FILIP1L: variants seen among roughly 807,000 people sequenced by gnomAD.
FILIP1L encodes the protein filamin A interacting protein 1 like, also known as filamin A-interacting protein 1-like.
Under a neutral mutation model 96.6 loss-of-function variants are expected in FILIP1L, and 55 were observed. The ratio of observed to expected loss-of-function variants is 0.57; its 90% CI spans 0.46 to 0.71. FILIP1L has a LOEUF of 0.71. Ranked by LOEUF, FILIP1L falls within the 30% of genes least tolerant of loss-of-function variation. The probability of loss-of-function intolerance (pLI) is 0.00; values close to 1 mark genes in which losing one functional copy is unlikely to be tolerated. For synonymous variants in FILIP1L, 467 were observed against 473.9 expected, an observed-to-expected ratio of 0.99 and a Z score of 0.19; for missense variants, 1,304 against 1,321.2, an observed-to-expected ratio of 0.99 and a Z score of 0.20.
chr3:100,028,207 T>C (rs2064962203), intron 1 of FILIP1L, among the ~76,000 whole-genome samples: 1 of 152,200 alleles, frequency 6.6e-6, no homozygotes, highest in African/African-American at 2.4e-5. Flanking sequence ...ATGATATCAT[T>C]ATCCCAGTTT....
intron 4 of FILIP1L, among the ~76,000 whole-genome samples, chr3:99,917,565 G>T (rs945285543): frequency 2.0e-5 from 3 of 152,016 alleles, no homozygotes; most frequent in African/African-American, 7.3e-5. Context: ...TCAAAGCATT[G>T]GTCTAGATTG....
chr3:100,092,133 C>T (rs1354950155), intron 1 of FILIP1L, among the ~76,000 whole-genome samples: 1 of 152,198 alleles, frequency 6.6e-6, no homozygotes, highest in East Asian at 1.9e-4. Context: ...CATACTTCCT[C>T]ACACATTTTT....
At chr3:100,059,584 A>G (rs1379387991) in intron 1 of FILIP1L, among the ~76,000 whole-genome samples, 1 of 152,132 alleles carries the variant, frequency 6.6e-6, no homozygotes, top group African/African-American at 2.4e-5. Context: ...TGAAGATTCA[A>G]ACAGCGTTAG....
rs145086643 is a variant in FILIP1L at position 99,993,412 on chromosome 3, A to G, written c.-10-62382T>C. The stretch of plus-strand genomic sequence containing the variant: ...CAGGGTTTTCTAGATATAAGATCAT[A>G]TCAGCAGCTAACAGGAAAAATTTGT... On this transcript the variant is annotated intron_variant, in intron 1 of 5. Transcript: ENST00000477258. Among the ~76,000 whole-genome samples, 12 of 152,170 alleles carry G rather than the reference A, an allele frequency of 7.9e-5. No individual in the cohort carries two copies. In the South Asian group the frequency reaches 1.5e-3, roughly 18 times the overall value.
chr3:100,060,830 C>G (rs777539883), intron 1 of FILIP1L, among the ~76,000 whole-genome samples: 1 of 152,110 alleles, frequency 6.6e-6, no homozygotes, highest in Non-Finnish European at 1.5e-5. Context: ...CCACTGCACT[C>G]CATCCTGGGC....
intron 1 of FILIP1L, among the ~76,000 whole-genome samples, chr3:100,028,985 C>CAGTT: frequency 6.6e-6 from 1 of 152,076 alleles, no homozygotes. Flanking sequence ...GTTACTTGAG[C>CAGTT]AGTTACTTGA....
chr3:99,851,040 C>G lies in FILIP1L; in HGVS notation c.636G>C (p.Lys212Asn). 6.3e-7 allele frequency: 1 copy of G among 1,594,754 alleles called. No individual in the cohort carries two copies. The highest frequency in any genetic ancestry group is 8.5e-7 in the Non-Finnish European group (1 of 1,174,646). Reference protein sequence around the residue: ...RLKKLIDQEIKSQEEKEQEKE... With the variant: ...RLKKLIDQEINSQEEKEQEKE... ...TTTCTTGCTCCTTCTCCTCCTGAGA[C>G]TTGATTTCTTGATCAATTAGCTTCT... is the stretch of plus-strand genomic sequence containing the variant. The change falls in exon 5 of 6, where the codon AAG becomes AAC. Residue 212 changes from lysine (K) to asparagine (N), a missense_variant. Lys to Asn is a moderately conservative substitution (Grantham distance 94, BLOSUM62 0). Transcript: ENST00000477258.
rs9862370 is a variant in FILIP1L, at chr3:99,858,152, A to T, written c.606-7082T>A. Reference sequence around the variant, plus strand: ...TATCTATCTCTTTACTGTATTAGAAATTCAAACTAAGATTTTAAAAATACT... The same window carrying T: ...TATCTATCTCTTTACTGTATTAGAATTTCAAACTAAGATTTTAAAAATACT... On this transcript the variant is annotated intron_variant, in intron 4 of 5. Transcript: ENST00000477258. Among the ~76,000 whole-genome samples, 763 of 152,282 alleles carry T rather than the reference A, an allele frequency of 5.0e-3. 6 individuals are homozygous for T. The highest frequency in any genetic ancestry group is 0.017 in the African/African-American group (720 of 41,568).
intron 1 of FILIP1L, among the ~76,000 whole-genome samples, chr3:100,014,258 T>C (rs1333309243): frequency 1.3e-5 from 2 of 151,938 alleles, no homozygotes; most frequent in African/African-American, 4.8e-5. Context: ...GACACCTAAG[T>C]TGATTCCACA....
intron 1 of FILIP1L, among the ~76,000 whole-genome samples, chr3:99,959,835 A>G (rs1052899540): frequency 6.6e-6 from 1 of 152,182 alleles, no homozygotes; most frequent in Non-Finnish European, 1.5e-5. Flanking sequence ...ACCCAACAGT[A>G]AGATTATGAG....
chr3:99,949,823 A>G (rs1220966303), intron 1 of FILIP1L, among the ~76,000 whole-genome samples: 2 of 152,226 alleles, frequency 1.3e-5, no homozygotes, highest in Non-Finnish European at 1.5e-5. Flanking sequence ...TGTAGAAATA[A>G]TTCTTTGATT....
At chr3:99,917,350 G>A (rs1706985677) in intron 4 of FILIP1L, among the ~76,000 whole-genome samples, 1 of 152,106 alleles carries the variant, frequency 6.6e-6, no homozygotes, top group Admixed American at 6.5e-5. Flanking sequence ...TTAGTTGTGT[G>A]TAAAATTTAT....
chr3:100,098,265 A>C (rs1290435176), intron 1 of FILIP1L, among the ~76,000 whole-genome samples: 1 of 152,216 alleles, frequency 6.6e-6, no homozygotes, highest in Non-Finnish European at 1.5e-5. Context: ...CTTCAGTAGA[A>C]GGAGGTAACG....
At chr3:99,932,930 T>C (rs1707532645) in intron 1 of FILIP1L, among the ~76,000 whole-genome samples, 1 of 152,166 alleles carries the variant, frequency 6.6e-6, no homozygotes, top group South Asian at 2.1e-4. Flanking sequence ...TCCAATGACC[T>C]GATCTGGAAG....
chr3:99,982,497 C>A (rs374810070), intron 1 of FILIP1L, among the ~76,000 whole-genome samples: 2 of 152,054 alleles, frequency 1.3e-5, no homozygotes, highest in African/African-American at 2.4e-5. Flanking sequence ...CATGCCACCA[C>A]GCCCAGCTAA....
At chr3:99,921,319 T>G (rs1361877622) in intron 4 of FILIP1L, among the ~76,000 whole-genome samples, 1 of 152,174 alleles carries the variant, frequency 6.6e-6, no homozygotes, top group Non-Finnish European at 1.5e-5. Context: ...ACTTCCTGTT[T>G]CGTTAGATGG....
chr3:99,884,233 T>C (rs1705823118), intron 4 of FILIP1L, among the ~76,000 whole-genome samples: 1 of 152,196 alleles, frequency 6.6e-6, no homozygotes, highest in Non-Finnish European at 1.5e-5. Flanking sequence ...TCATATAATA[T>C]CCTCTCTCTG....
intron 1 of FILIP1L, among the ~76,000 whole-genome samples, chr3:99,963,151 C>T (rs995269227): frequency 1.1e-4 from 16 of 152,134 alleles, no homozygotes; most frequent in Non-Finnish European, 2.2e-4. Flanking sequence ...AGAGAAAGTT[C>T]GAAATGCTCT....
intron 1 of FILIP1L, among the ~76,000 whole-genome samples, chr3:100,050,583 G>C (rs2065354610): frequency 6.6e-6 from 1 of 152,124 alleles, no homozygotes; most frequent in Non-Finnish European, 1.5e-5. Context: ...CCAGGCTGGA[G>C]TGCAGTGGTA....
Sources: gnomAD v4.1 joint callset for allele counts (sites outside exome capture counted in the v4.1 genomes callset) on GRCh38, gnomAD v4.1.1 for gene constraint, MANE v1.5 for transcripts, NCBI Gene and HGNC (gene_info 2026-07-23, HGNC 2026-07-21) for gene names.